Variants in NAV1 observed in about 807,000 individuals in gnomAD.
NAV1 encodes pore membrane and/or filament interacting like protein 3.
In NAV1, 18 loss-of-function variants were observed where a neutral mutation model predicts 175.2. The observed-to-expected ratio is 0.10, with a 90% CI of 0.07 to 0.15. NAV1 has a LOEUF of 0.15. Ranked by LOEUF, NAV1 falls within the 10% of genes least tolerant of loss-of-function variation. NAV1 has a pLI of 1.00. For synonymous variants in NAV1, 897 were observed against 978.7 expected, an observed-to-expected ratio of 0.92 and a Z score of 1.56; for missense variants, 1,731 against 2,436.6, an observed-to-expected ratio of 0.71 and a Z score of 6.10.
Position 201,752,577 on chromosome 1 carries a change from A to G in NAV1, c.1227-27844A>G, listed in dbSNP as rs573964184. On this transcript the variant is annotated intron_variant, in intron 3 of 29. Coordinates refer to ENST00000367296, the Ensembl canonical transcript of NAV1. The stretch of plus-strand genomic sequence containing the variant: ...ATGGTCCCAGTCATCACCTTAGACA[A>G]AGTGCTAAGAAGGTAACGGATTACA... Among the ~76,000 whole-genome samples the G allele has an allele frequency of 1.3e-4, 20 of 152,122 alleles. No individual in the cohort carries two copies. The East Asian group carries it at 3.7e-3, about 28-fold the overall frequency.
At position 201,708,239 on chromosome 1, in the gene NAV1, A is replaced by G. The variant is rs972366895; in HGVS notation, c.758-4578A>G. Reference sequence around the variant, plus strand: ...GTGGTAACTGTGAATTGCCGTGGTGATGGCTGGGTTGGGAGAGACTTGCAT... The same window carrying G: ...GTGGTAACTGTGAATTGCCGTGGTGGTGGCTGGGTTGGGAGAGACTTGCAT... On this transcript the variant is annotated intron_variant, in intron 1 of 29. Coordinates refer to ENST00000367296, the Ensembl canonical transcript of NAV1. 2.9e-5 allele frequency among the ~76,000 whole-genome samples: 4 copies of G among 140,034 alleles called. No individual in the cohort carries two copies. The South Asian group carries it at 9.0e-4, about 31-fold the overall frequency. 91.9% of individuals were successfully genotyped at this position (140,034 alleles called of 152,430 possible).
rs554424268 is a variant in NAV1, at chr1:201,775,352, A to G, written c.1227-5069A>G. Reference sequence around the variant, plus strand: ...ACTCAGCTCGTAGAATGCTGGTCTTACATGCTGCAGGCTGGAGTTTGGAAG... The same window carrying G: ...ACTCAGCTCGTAGAATGCTGGTCTTGCATGCTGCAGGCTGGAGTTTGGAAG... On this transcript the variant is annotated intron_variant, in intron 3 of 29. Coordinates refer to ENST00000367296, the Ensembl canonical transcript of NAV1. Among the ~76,000 whole-genome samples the G allele has an allele frequency of 3.3e-5, 5 of 152,376 alleles. No homozygotes were observed. In the South Asian group the frequency reaches 1.0e-3, roughly 32 times the overall value.
chr1:201,576,058 A>C (rs1475194145), intron 1 of NAV1, among the ~76,000 whole-genome samples: 6 of 152,214 alleles, frequency 3.9e-5, no homozygotes, highest in Non-Finnish European at 5.9e-5. Flanking sequence ...CTGTAGTACA[A>C]TATCACTACC....
intron 3 of NAV1, among the ~76,000 whole-genome samples, chr1:201,760,129 A>C (rs1674749717): frequency 6.6e-6 from 1 of 152,248 alleles, no homozygotes; most frequent in Non-Finnish European, 1.5e-5. Context: ...TCAAAACTTC[A>C]AAATAATCCT....
At chr1:201,583,279 C>G (rs1411313550) in intron 1 of NAV1, among the ~76,000 whole-genome samples, 1 of 152,262 alleles carries the variant, frequency 6.6e-6, no homozygotes, top group Non-Finnish European at 1.5e-5. Context: ...GGAGAGGAGA[C>G]AGCAGGGGCA....
intron 3 of NAV1, among the ~76,000 whole-genome samples, chr1:201,747,958 T>C (rs1359381481): frequency 6.6e-6 from 1 of 152,294 alleles, no homozygotes; most frequent in South Asian, 2.1e-4. Context: ...CCCACCGGAA[T>C]GGGTCCCCAA....
At chr1:201,737,094 T>C (rs1383738658) in intron 3 of NAV1, among the ~76,000 whole-genome samples, 1 of 152,026 alleles carries the variant, frequency 6.6e-6, no homozygotes, top group Non-Finnish European at 1.5e-5. Flanking sequence ...AAGCTCCCCA[T>C]TGACAGGGGA....
chr1:201,646,616 A>G (rs116571481), upstream of NAV1, among the ~76,000 whole-genome samples: 1,160 of 152,250 alleles, frequency 7.6e-3, 11 homozygotes, highest in Non-Finnish European at 0.01. Flanking sequence ...TGAGAACTCT[A>G]TATTCTCGTG....
At chr1:201,777,357 A>G (rs924898960) in intron 3 of NAV1, among the ~76,000 whole-genome samples, 2 of 152,230 alleles carry the variant, frequency 1.3e-5, no homozygotes, top group Non-Finnish European at 2.9e-5. Context: ...GAAAACTGTT[A>G]ATAATAGTTA....
chr1:201,718,360 A>G lies in NAV1; in HGVS notation c.861-30A>G. On this transcript the variant is annotated intron_variant, in intron 2 of 29. Transcript: ENST00000367296. This position sits in a 1 kb window ranked among gnomAD's most constrained non-coding sequence, Gnocchi z 4.8. ...AGGGCACACGGCGGCTGTGCCAAGG[A>G]CTAAGTAGTGCCTTCTGCTCTCCAC... 6.6e-7 allele frequency: 1 copy of G among 1,510,168 alleles called. No individual in the cohort carries two copies. The highest frequency in any genetic ancestry group is 8.9e-7 in the Non-Finnish European group (1 of 1,127,034). 93.5% of individuals were successfully genotyped at this position (1,510,168 alleles called of 1,614,324 possible). A position where few individuals can be genotyped will look rare whatever the true frequency, so the allele number is the denominator to read the frequency against.
intron 13 of NAV1, chr1:201,792,269 G>A (rs1485249451): frequency 1.3e-5 from 2 of 151,890 alleles, no homozygotes; most frequent in Non-Finnish European, 2.9e-5. Context: ...TCAGGATTCC[G>A]TGACTCCAAA....
At position 201,782,080 on chromosome 1, in the gene NAV1, G is replaced by A. The variant is rs1676361099; in HGVS notation, c.1664-96G>A. ...GGCCTCTAAAAGTCTACAATACATGGACAATGTTCCCTTCTCCCATGGAGG... is the reference window on the plus strand; with the variant it reads ...GGCCTCTAAAAGTCTACAATACATGAACAATGTTCCCTTCTCCCATGGAGG... On this transcript the variant is annotated intron_variant, in intron 5 of 29. Coordinates refer to ENST00000367296, the Ensembl canonical transcript of NAV1. This position sits in a 1 kb window ranked among gnomAD's most constrained non-coding sequence, Gnocchi z 5.4. 4 of 1,125,362 alleles carry A rather than the reference G, an allele frequency of 3.6e-6. No individual in the cohort carries two copies. Among genetic ancestry groups the A allele is most frequent in the East Asian group, 2.4e-5 (1 of 41,930 alleles). The allele number at this position is 1,125,362 out of a possible 1,614,324, so 69.7% of individuals were successfully genotyped here.
chr1:201,701,651 G>A (rs962236943), intron 1 of NAV1, among the ~76,000 whole-genome samples: 5 of 152,202 alleles, frequency 3.3e-5, no homozygotes, highest in African/African-American at 1.2e-4. Flanking sequence ...AATATCATTA[G>A]GCACTAGGGA....
intron 1 of NAV1, among the ~76,000 whole-genome samples, chr1:201,561,741 G>A (rs1304616404): frequency 1.3e-5 from 2 of 152,160 alleles, no homozygotes; most frequent in East Asian, 1.9e-4. Flanking sequence ...GGACAAGGCT[G>A]TGTTTGGCTG....
Position 201,799,196 on chromosome 1 carries a change from G to GTGTGTGT in NAV1, c.3518-4397_3518-4396insTGTGTGT, listed in dbSNP as rs1553277504. ...AGAAACTGTGTGTGTGTGTGTGTGTGGAGAGAGAGAGAGAAAGCAAATAAA... is the reference window on the plus strand; with the variant it reads ...AGAAACTGTGTGTGTGTGTGTGTGTGTGTGTGTGAGAGAGAGAGAGAAAGCAAATAAA... On this transcript the variant is annotated intron_variant, in intron 15 of 29. Coordinates refer to ENST00000367296, the Ensembl canonical transcript of NAV1. Among the ~76,000 whole-genome samples the GTGTGTGT allele has an allele frequency of 2.0e-3, 299 of 151,490 alleles. 4 individuals carry two copies. The highest frequency in any genetic ancestry group is 6.8e-3 in the African/African-American group (282 of 41,382).
chr1:201,548,369 A>G lies in NAV1; in HGVS notation c.-144+9027A>G, dbSNP rs115253073. Among the ~76,000 whole-genome samples the G allele has an allele frequency of 4.6e-3, 693 of 152,228 alleles. 5 individuals carry two copies. The highest frequency in any genetic ancestry group is 0.015 in the African/African-American group (640 of 41,522). Reference sequence around the variant, plus strand: ...GAAACCTAGCAAGACTCACCCCCCAATCTGTACAAAACATTAAAAAATTAG... The same window carrying G: ...GAAACCTAGCAAGACTCACCCCCCAGTCTGTACAAAACATTAAAAAATTAG... On this transcript the variant is annotated intron_variant, in intron 1 of 33. Coordinates refer to the NAV1 transcript ENST00000685211.
At position 201,782,423 on chromosome 1, in the gene NAV1, C is replaced by A. The variant is rs1676387803; in HGVS notation, c.1911C>A (p.Ile637=). ...GCAAGATCCAGAAGTCCTCAGGCAT[C>A]CCTGTCAAGCCAGTAAATGGGCGCA... Residue 637 remains isoleucine, a synonymous_variant, in exon 6 of 30, where the codon ATC becomes ATA. Coordinates refer to ENST00000367296, the Ensembl canonical transcript of NAV1. The surrounding 1 kb of genome is among the most constrained non-coding windows in gnomAD (Gnocchi z 5.4). The A allele has an allele frequency of 6.2e-7, 1 of 1,613,972 alleles. No individual in the cohort carries two copies. Among genetic ancestry groups the A allele is most frequent in the Non-Finnish European group, 8.5e-7 (1 of 1,179,938 alleles).
intron 1 of NAV1, among the ~76,000 whole-genome samples, chr1:201,662,184 A>T (rs1414130452): frequency 2.0e-5 from 3 of 152,250 alleles, no homozygotes; most frequent in East Asian, 3.8e-4. Flanking sequence ...GCAGCAGCCC[A>T]GATCTTTTAT....
chr1:201,712,915 C>T, exon 2 of NAV1: 4 of 1,611,994 alleles, frequency 2.5e-6, no homozygotes, highest in Non-Finnish European at 2.5e-6. Context: ...CCAGGTGACT[C>T]ACAGGTAAGC....
Sources: gnomAD v4.1 joint callset for allele counts (sites outside exome capture counted in the v4.1 genomes callset) on GRCh38, gnomAD v4.1.1 for gene constraint, Gnocchi (gnomAD v3.1) non-coding constraint, MANE v1.5 for transcripts, NCBI Gene and HGNC (gene_info 2026-07-23, HGNC 2026-07-21) for gene names.